Variants in EBF3 observed in about 807,000 individuals in gnomAD.
The protein encoded by EBF3 is transcription factor COE3.
EBF3 carries 18 observed loss-of-function variants against 77.1 expected under a neutral mutation model. The ratio of observed to expected loss-of-function variants is 0.23; its 90% CI spans 0.16 to 0.35. The LOEUF is 0.35. Ranked by LOEUF, EBF3 falls within the 10% of genes least tolerant of loss-of-function variation. The pLI is 1.00. For missense variants in EBF3, 558 were observed against 860.0 expected (o/e 0.65, Z 4.39); for synonymous variants, 350 against 343.5 (o/e 1.02, Z -0.21).
chr10:129,894,771 T>A lies in EBF3; in HGVS notation c.555-16922A>T, dbSNP rs550432501. Among the ~76,000 whole-genome samples, 7 of 152,342 alleles carry A rather than the reference T, an allele frequency of 4.6e-5. No homozygotes were observed. In the South Asian group the frequency reaches 1.4e-3, roughly 32 times the overall value. On this transcript the variant is annotated intron_variant, in intron 6 of 16. Coordinates refer to ENST00000440978, the MANE Select transcript of EBF3 (RefSeq NM_001375380.1). ...CCTATTCTAACATTTGTCAACATCATCTGTTTTCAACTTTGCAATATCTCA... is the reference window on the plus strand; with the variant it reads ...CCTATTCTAACATTTGTCAACATCAACTGTTTTCAACTTTGCAATATCTCA...
intron 4 of EBF3, among the ~76,000 whole-genome samples, chr10:129,961,506 T>C (rs188335026): frequency 3.3e-5 from 5 of 152,258 alleles, no homozygotes; most frequent in African/African-American, 1.2e-4. Flanking sequence ...CCAAGACAGG[T>C]TAAATAATTT....
chr10:129,899,144 C>T (rs1854607280), intron 6 of EBF3, among the ~76,000 whole-genome samples: 1 of 152,244 alleles, frequency 6.6e-6, no homozygotes, highest in African/African-American at 2.4e-5. Flanking sequence ...GCCTTCTCTT[C>T]CTCGTTTAAT....
At chr10:129,928,420 T>C (rs17330838) in intron 6 of EBF3, among the ~76,000 whole-genome samples, 2,855 of 152,304 alleles carry the variant, frequency 0.019, 47 homozygotes, top group Non-Finnish European at 0.029. Flanking sequence ...TTTTGCCTAA[T>C]TTTACGTGGT....
chr10:129,877,926 C>T lies in EBF3; in HGVS notation c.555-77G>A, dbSNP rs557508861. 48 of 1,185,886 alleles carry T rather than the reference C, an allele frequency of 4.0e-5. No individual in the cohort carries two copies. In the Middle Eastern group the frequency reaches 8.4e-4, roughly 21 times the overall value. 73.5% of individuals were successfully genotyped at this position (1,185,886 alleles called of 1,614,324 possible). A position where few individuals can be genotyped will look rare whatever the true frequency, so the allele number is the denominator to read the frequency against. On this transcript the variant is annotated intron_variant, in intron 6 of 16. Transcript: ENST00000440978. ...TCAAACTTTTTAAAAGACACTCTTG[C>T]GCAGGGAGGAGTGGAGACTCAACCC...
chr10:129,961,812 T>C (rs1053494905), intron 4 of EBF3, among the ~76,000 whole-genome samples: 16 of 152,064 alleles, frequency 1.1e-4, no homozygotes, highest in African/African-American at 3.4e-4. Flanking sequence ...GCCTTTGTTA[T>C]AGGAAAAAAA....
chr10:129,958,836 AGCTG>A (rs1311887357), intron 5 of EBF3, 94 bp downstream of exon 5: 275 of 1,423,168 alleles, frequency 1.9e-4, no homozygotes, highest in Non-Finnish European at 2.3e-4. Flanking sequence ...CCCTTCCCGG[AGCTG>A]GGCGGGGTGG....
At chr10:129,903,124 T>C (rs1377645585) in intron 6 of EBF3, among the ~76,000 whole-genome samples, 1 of 152,240 alleles carries the variant, frequency 6.6e-6, no homozygotes, top group Non-Finnish European at 1.5e-5. Flanking sequence ...TTTCTTGACA[T>C]CTTAGTTTTT....
intron 6 of EBF3, among the ~76,000 whole-genome samples, chr10:129,934,056 G>A (rs576139508): frequency 1.3e-4 from 20 of 152,166 alleles, no homozygotes; most frequent in South Asian, 4.2e-4. Context: ...TGTGAATTTC[G>A]GAGAAGCAAT....
chr10:129,955,874 CAAT>C (rs1858998550), intron 6 of EBF3, among the ~76,000 whole-genome samples: 1 of 152,166 alleles, frequency 6.6e-6, no homozygotes, highest in African/African-American at 2.4e-5. Flanking sequence ...GACAAGACTC[CAAT>C]AGTTCAAACA....
At chr10:129,873,084 G>T (rs968538053) in intron 8 of EBF3, among the ~76,000 whole-genome samples, 1 of 152,210 alleles carries the variant, frequency 6.6e-6, no homozygotes, top group South Asian at 2.1e-4. Flanking sequence ...ACTGGACCAG[G>T]ATGTAACCAC....
intron 6 of EBF3, among the ~76,000 whole-genome samples, chr10:129,922,018 C>T (rs1304120933): frequency 2.0e-5 from 3 of 152,192 alleles, no homozygotes; most frequent in South Asian, 2.1e-4. Flanking sequence ...ATGGGGGTGG[C>T]CCCACGTCCC....
At chr10:129,857,256 G>A (rs902407247) in intron 10 of EBF3, among the ~76,000 whole-genome samples, 1 of 152,184 alleles carries the variant, frequency 6.6e-6, no homozygotes, top group Non-Finnish European at 1.5e-5. Context: ...ACAGCATGCT[G>A]GATTATGTGT....
intron 8 of EBF3, among the ~76,000 whole-genome samples, chr10:129,868,847 T>C (rs1048046712): frequency 2.7e-4 from 41 of 152,228 alleles, no homozygotes; most frequent in African/African-American, 8.9e-4. Context: ...CTCTTGTACA[T>C]GGGCTCCCAT....
intron 10 of EBF3, among the ~76,000 whole-genome samples, chr10:129,849,563 T>C (rs1850712765): frequency 6.6e-6 from 1 of 152,144 alleles, no homozygotes. Context: ...TTGCAAGTGC[T>C]CTCCAAAATA....
At chr10:129,917,677 A>AAAC (rs1855986535) in intron 6 of EBF3, among the ~76,000 whole-genome samples, 2 of 150,470 alleles carry the variant, frequency 1.3e-5, no homozygotes, top group African/African-American at 4.9e-5. Flanking sequence ...AAAAAAAAAA[A>AAAC]AACTAAAACC....
At chr10:129,915,354 T>C (rs1855801854) in intron 6 of EBF3, among the ~76,000 whole-genome samples, 1 of 151,968 alleles carries the variant, frequency 6.6e-6, no homozygotes, top group South Asian at 2.1e-4. Flanking sequence ...GGGGGAGCAG[T>C]GAGAAACCTC....
At chr10:129,950,016 A>G in intron 6 of EBF3, among the ~76,000 whole-genome samples, 1 of 16,702 alleles carries the variant, frequency 6.0e-5, no homozygotes. Context: ...TGGAGGGAGG[A>G]GGGAGGAGGG....
At position 129,947,434 on chromosome 10, in the gene EBF3, T is replaced by C. The variant is rs374437612; in HGVS notation, c.554+9824A>G. ...TTAGGAAAATTTGTACTTTAATTTA[T>C]TAAACCAAAAAAGCCAACAACTGCA... On this transcript the variant is annotated intron_variant, in intron 6 of 16. Transcript: ENST00000440978. This position sits in a 1 kb window ranked among gnomAD's most constrained non-coding sequence, Gnocchi z 4.5. Among the ~76,000 whole-genome samples, 1 of 152,220 alleles carries C rather than the reference T, an allele frequency of 6.6e-6. No individual in the cohort carries two copies. The highest frequency in any genetic ancestry group is 1.9e-4 in the East Asian group (1 of 5,198).
At chr10:129,838,836 G>A (rs939417165) in intron 16 of EBF3, among the ~76,000 whole-genome samples, 4 of 152,252 alleles carry the variant, frequency 2.6e-5, no homozygotes, top group South Asian at 2.1e-4. Context: ...ATTTATCTCC[G>A]ACTCACCGTT....
Sources: gnomAD v4.1 joint callset for allele counts (sites outside exome capture counted in the v4.1 genomes callset) on GRCh38, gnomAD v4.1.1 for gene constraint, Gnocchi (gnomAD v3.1) non-coding constraint, MANE v1.5 for transcripts, NCBI Gene and HGNC (gene_info 2026-07-23, HGNC 2026-07-21) for gene names.